PTP4A1: variants seen among roughly 807,000 people sequenced by gnomAD.
PTP4A1 encodes protein tyrosine phosphatase type IVA 1.
In PTP4A1, 9 loss-of-function variants were observed where a neutral mutation model predicts 20.5. That is an observed-to-expected ratio of 0.44 (90% CI 0.26 to 0.77). The LOEUF is 0.77. Among genes scored for constraint, PTP4A1 ranks in the 30% least tolerant of loss-of-function variants. The probability of loss-of-function intolerance (pLI) is 0.19; values close to 1 mark genes in which losing one functional copy is unlikely to be tolerated. For missense variants in PTP4A1, 137 were observed against 218.8 expected (o/e 0.63, Z 2.36); for synonymous variants, 78 against 67.4 (o/e 1.16, Z -0.77).
chr6:63,578,539 T>G lies in PTP4A1; in HGVS notation c.198+10T>G, dbSNP rs1213742770. The G allele has an allele frequency of 6.2e-7, 1 of 1,608,730 alleles. No individual in the cohort carries two copies. Among genetic ancestry groups the G allele is most frequent in the Non-Finnish European group, 8.5e-7 (1 of 1,178,490 alleles). ...AGGTATCCATGTTCTTGTAAGTATT[T>G]AACAGTTCTTATGGGTTTATGGTGC... On this transcript the variant is annotated intron_variant, in intron 3 of 5. Coordinates refer to ENST00000626021, the MANE Select transcript of PTP4A1 (RefSeq NM_003463.5).
At chr6:63,541,306 A>C (rs1775960019) in intron 2 of PTP4A1, among the ~76,000 whole-genome samples, 1 of 151,990 alleles carries the variant, frequency 6.6e-6, no homozygotes, top group Admixed American at 6.6e-5. Context: ...TTGCTAAGGA[A>C]AGGTTTGGGA....
chr6:63,551,056 G>A (rs1392463540), intron 3 of PTP4A1, among the ~76,000 whole-genome samples: 1 of 151,938 alleles, frequency 6.6e-6, no homozygotes, highest in Admixed American at 6.6e-5. Flanking sequence ...ACAAGCCACT[G>A]TGGGTAATTT....
intron 2 of PTP4A1, among the ~76,000 whole-genome samples, chr6:63,532,693 A>G (rs1224361589): frequency 2.0e-5 from 3 of 152,332 alleles, no homozygotes; most frequent in African/African-American, 4.8e-5. Context: ...TGAAACAAAA[A>G]TCAATCATAT....
chr6:63,576,938 C>G lies in PTP4A1; in HGVS notation c.58C>G (p.Leu20Val). 6.2e-7 allele frequency: 1 copy of G among 1,614,044 alleles called. No homozygotes were observed. Among genetic ancestry groups the G allele is most frequent in the Non-Finnish European group, 8.5e-7 (1 of 1,179,996 alleles). Reference protein sequence around the residue: ...VEVTYKNMRFLITHNPTNATL... With the variant: ...VEVTYKNMRFVITHNPTNATL... ...AGTCACATACAAGAACATGAGATTT[C>G]TTATTACACACAATCCAACCAATGC... The change falls in exon 2 of 6, where the codon CTT becomes GTT. Residue 20 changes from leucine (L) to valine (V), a missense_variant. Coordinates refer to ENST00000626021, the MANE Select transcript of PTP4A1 (RefSeq NM_003463.5).
upstream of PTP4A1, chr6:63,571,145 T>C (rs1777405340): frequency 6.6e-6 from 1 of 152,244 alleles, no homozygotes; most frequent in Non-Finnish European, 1.5e-5. Context: ...TTTGAAAGTC[T>C]GGCCCAGGAT....
rs1778289529 is a variant in PTP4A1, at chr6:63,582,349, G to A, written c.*2175G>A. On this transcript the variant is annotated 3_prime_UTR_variant, in exon 6 of 6. Coordinates refer to ENST00000626021, the MANE Select transcript of PTP4A1 (RefSeq NM_003463.5). ...ATGATTAATGAAAACTATCTTTTGA[G>A]TTTGAAAAGAAATTAATTTGCAGTG... 1 of 152,574 alleles carries A rather than the reference G, an allele frequency of 6.6e-6. No individual in the cohort carries two copies. Among genetic ancestry groups the A allele is most frequent in the Non-Finnish European group, 1.5e-5 (1 of 68,022 alleles). 9.5% of individuals were successfully genotyped at this position (152,574 alleles called of 1,614,324 possible). A position where few individuals can be genotyped will look rare whatever the true frequency, so the allele number is the denominator to read the frequency against.
In PTP4A1 at chr6:63,525,024, C is replaced by T. The variant is rs539683491; in HGVS notation, c.-905-2795C>T. 2.6e-5 allele frequency among the ~76,000 whole-genome samples: 4 copies of T among 152,324 alleles called. No individual in the cohort carries two copies. In the East Asian group the frequency reaches 7.7e-4, roughly 29 times the overall value. On this transcript the variant is annotated intron_variant, in intron 1 of 3. Transcript: ENST00000639568. ...AGCATGTCACCAAGCCTTGTTCTAA[C>T]TTGATTCAGGGATTTAGCTTAGACA...
intron 3 of PTP4A1, among the ~76,000 whole-genome samples, chr6:63,556,645 G>A (rs1776699796): frequency 6.6e-6 from 1 of 152,206 alleles, no homozygotes; most frequent in Admixed American, 6.5e-5. Flanking sequence ...TTGCCAAAAA[G>A]ATCAGCATGT....
chr6:63,545,141 C>T (rs1474613694), intron 2 of PTP4A1, among the ~76,000 whole-genome samples: 1 of 152,152 alleles, frequency 6.6e-6, no homozygotes, highest in Non-Finnish European at 1.5e-5. Flanking sequence ...CATTGATTCT[C>T]CTTTTATTCA....
chr6:63,550,960 T>C (rs144313927), intron 3 of PTP4A1, among the ~76,000 whole-genome samples: 215 of 152,240 alleles, frequency 1.4e-3, no homozygotes, highest in Non-Finnish European at 1.1e-3. Flanking sequence ...TATTTTTGCT[T>C]TGAGAATCTA....
At chr6:63,535,999 G>A (rs1315332459) in intron 2 of PTP4A1, among the ~76,000 whole-genome samples, 1 of 151,264 alleles carries the variant, frequency 6.6e-6, no homozygotes, top group Admixed American at 6.6e-5. Context: ...CCTGGAACTC[G>A]TGACATCAGG....
At chr6:63,567,259 A>G (rs1255210387) in intron 3 of PTP4A1, among the ~76,000 whole-genome samples, 1 of 152,220 alleles carries the variant, frequency 6.6e-6, no homozygotes, top group Non-Finnish European at 1.5e-5. Context: ...GCTTAGATCC[A>G]TCAGAGGAAT....
upstream of PTP4A1, among the ~76,000 whole-genome samples, chr6:63,520,959 C>T (rs574507101): frequency 1.3e-4 from 20 of 152,092 alleles, no homozygotes; most frequent in Non-Finnish European, 2.6e-4. Flanking sequence ...TAGAAACCAT[C>T]ATCCTCAGCA....
intron 3 of PTP4A1, among the ~76,000 whole-genome samples, chr6:63,563,149 T>A (rs1777038289): frequency 6.6e-6 from 1 of 152,208 alleles, no homozygotes; most frequent in Non-Finnish European, 1.5e-5. Context: ...TTAAAATAAT[T>A]CTACTCTAGG....
intron 1 of PTP4A1, among the ~76,000 whole-genome samples, chr6:63,575,729 T>C (rs1468160521): frequency 6.6e-6 from 1 of 152,198 alleles, no homozygotes; most frequent in African/African-American, 2.4e-5. Context: ...CTTTTTAGAT[T>C]CATAAGCATA....
At chr6:63,529,274 T>C (rs1775349009) in intron 2 of PTP4A1, among the ~76,000 whole-genome samples, 1 of 150,946 alleles carries the variant, frequency 6.6e-6, no homozygotes, top group South Asian at 2.1e-4. Context: ...TTCTCTGGAG[T>C]CTCAGAAAAA....
upstream of PTP4A1, chr6:63,572,339 G>T (rs982209945): frequency 7.4e-6 from 2 of 270,636 alleles, no homozygotes; most frequent in Non-Finnish European, 1.4e-5. Context: ...ACCGGCGGCG[G>T]CCGCCGCGGA....
intron 2 of PTP4A1, among the ~76,000 whole-genome samples, chr6:63,544,732 A>G (rs1467432674): frequency 6.6e-6 from 1 of 152,126 alleles, no homozygotes; most frequent in Non-Finnish European, 1.5e-5. Flanking sequence ...TCATGATTAG[A>G]TTCAGGATAC....
chr6:63,549,133 C>G (rs1249395817), intron 2 of PTP4A1: 1 of 687,732 alleles, frequency 1.5e-6, no homozygotes, highest in East Asian at 2.6e-5. Context: ...GGGATGCCCC[C>G]TTTGCCAGCA....
Sources: allele counts gnomAD v4.1 joint callset (sites outside exome capture counted in the v4.1 genomes callset), GRCh38; gene constraint gnomAD v4.1.1; transcripts MANE v1.5; gene names NCBI Gene and HGNC (gene_info 2026-07-23, HGNC 2026-07-21).